CAMK1D: variants seen among roughly 807,000 people sequenced by gnomAD.
CAMK1D encodes calcium/calmodulin-dependent protein kinase type 1D.
CAMK1D carries 9 observed loss-of-function variants against 47.7 expected under a neutral mutation model. That is an observed-to-expected ratio of 0.19 (90% CI 0.11 to 0.33). The LOEUF (loss-of-function observed/expected upper bound fraction) is 0.33. Among genes scored for constraint, CAMK1D ranks in the 10% least tolerant of loss-of-function variants. The pLI is 1.00. For synonymous variants in CAMK1D, 184 were observed against 184.9 expected (o/e 0.99, Z 0.04); for missense variants, 291 against 488.7 (o/e 0.60, Z 3.81).
chr10:12,588,493 T>C (rs752534888), intron 2 of CAMK1D, among the ~76,000 whole-genome samples: 3 of 152,148 alleles, frequency 2.0e-5, no homozygotes, highest in Non-Finnish European at 4.4e-5. Flanking sequence ...GGAGCAAATA[T>C]TGAGTCGGTA....
At chr10:12,705,952 C>T (rs1564507589) in intron 3 of CAMK1D, among the ~76,000 whole-genome samples, 1 of 152,144 alleles carries the variant, frequency 6.6e-6, no homozygotes. Flanking sequence ...ACTTAGCATC[C>T]CTATTTAGCA....
chr10:12,768,614 G>A (rs1836888872), intron 4 of CAMK1D, among the ~76,000 whole-genome samples: 1 of 151,936 alleles, frequency 6.6e-6, no homozygotes, highest in Admixed American at 6.6e-5. Context: ...CTGGACAACA[G>A]CAGAGATGAC....
At chr10:12,680,547 T>C (rs1840956358) in intron 3 of CAMK1D, among the ~76,000 whole-genome samples, 1 of 152,234 alleles carries the variant, frequency 6.6e-6, no homozygotes, top group South Asian at 2.1e-4. Context: ...CCTGAGATGA[T>C]ATTTCCAAAA....
intron 2 of CAMK1D, among the ~76,000 whole-genome samples, chr10:12,615,959 GGT>G (rs1838792710): frequency 1.3e-5 from 2 of 150,432 alleles, no homozygotes; most frequent in African/African-American, 2.4e-5. Context: ...TGTGCGCATA[GGT>G]GTGTATGTGT....
chr10:12,465,043 T>G (rs2768393), intron 1 of CAMK1D, among the ~76,000 whole-genome samples: 39,472 of 152,102 alleles, frequency 0.26, 5,913 homozygotes, highest in African/African-American at 0.42. Context: ...CTGATGAGAA[T>G]GGTGGGTGAG....
At chr10:12,461,090 C>T (rs1833407948) in intron 1 of CAMK1D, among the ~76,000 whole-genome samples, 1 of 152,172 alleles carries the variant, frequency 6.6e-6, no homozygotes, top group East Asian at 1.9e-4. Flanking sequence ...CTGGGGCTGG[C>T]CAGGGCAGTT....
chr10:12,513,545 G>A (rs1444039876), intron 1 of CAMK1D, among the ~76,000 whole-genome samples: 1 of 152,162 alleles, frequency 6.6e-6, no homozygotes, highest in African/African-American at 2.4e-5. Flanking sequence ...CCAGCACTTT[G>A]GAGGCCGAGG....
intron 1 of CAMK1D, among the ~76,000 whole-genome samples, chr10:12,539,058 C>T (rs147370293): frequency 0.01 from 1,598 of 152,260 alleles, 14 homozygotes; most frequent in Non-Finnish European, 0.016. Flanking sequence ...TGAGCCACCA[C>T]GCCTGGCCTC....
chr10:12,415,965 A>G (rs1261847690), intron 1 of CAMK1D: 1 of 152,084 alleles, frequency 6.6e-6, no homozygotes, highest in African/African-American at 2.4e-5. Context: ...GAGGTTGATT[A>G]TTATTCCTTT....
intron 1 of CAMK1D, among the ~76,000 whole-genome samples, chr10:12,451,765 ATGTGTT>A (rs1425467810): frequency 2.1e-5 from 3 of 143,714 alleles, no homozygotes; most frequent in African/African-American, 7.3e-5. Flanking sequence ...GAGGATGGTT[ATGTGTT>A]TGTGTGTGTG....
chr10:12,522,635 A>G (rs11257851), intron 1 of CAMK1D, among the ~76,000 whole-genome samples: 2 of 151,354 alleles, frequency 1.3e-5, no homozygotes, highest in East Asian at 1.9e-4. Flanking sequence ...ATTGCTCAAT[A>G]TTTTCCCCAC....
chr10:12,812,539 C>A (rs1832648325), intron 6 of CAMK1D, among the ~76,000 whole-genome samples: 1 of 152,258 alleles, frequency 6.6e-6, no homozygotes, highest in Non-Finnish European at 1.5e-5. Flanking sequence ...TAGCTGGAAC[C>A]CAGGAGGTAG....
chr10:12,816,242 T>C lies in CAMK1D; in HGVS notation c.755-8T>C, dbSNP rs536562469. On this transcript the variant is annotated splice_region_variant and splice_polypyrimidine_tract_variant and intron_variant, in intron 7 of 10. Coordinates refer to ENST00000619168, the MANE Select transcript of CAMK1D (RefSeq NM_153498.4). ...TGATTCCTTCCCTTGTGCCTTCTTT[T>C]TGAACAGCAAAAGACTTCATTCGGA... 1.9e-6 allele frequency: 3 copies of C among 1,613,248 alleles called. No homozygotes were observed. The highest frequency in any genetic ancestry group is 1.1e-5 in the South Asian group (1 of 90,936).
At chr10:12,607,717 C>T (rs576468541) in intron 2 of CAMK1D, among the ~76,000 whole-genome samples, 2 of 152,200 alleles carry the variant, frequency 1.3e-5, no homozygotes, top group African/African-American at 4.8e-5. Flanking sequence ...TCCCAGCACT[C>T]TGGGAGGCCG....
chr10:12,816,674 G>T (rs745571666), intron 8 of CAMK1D, among the ~76,000 whole-genome samples: 17 of 151,872 alleles, frequency 1.1e-4, no homozygotes, highest in South Asian at 4.2e-4. Flanking sequence ...TTCGAGACCA[G>T]CCTGGCTAAC....
At chr10:12,749,126 C>T (rs1264311432) in intron 3 of CAMK1D, among the ~76,000 whole-genome samples, 1 of 152,180 alleles carries the variant, frequency 6.6e-6, no homozygotes, top group African/African-American at 2.4e-5. Context: ...TGGAAGACAG[C>T]TCCTAAATTT....
chr10:12,513,972 G>A (rs943996029), intron 1 of CAMK1D, among the ~76,000 whole-genome samples: 2 of 152,128 alleles, frequency 1.3e-5, no homozygotes, highest in Non-Finnish European at 2.9e-5. Flanking sequence ...CTCTCTGTTC[G>A]CTTGACTGCA....
chr10:12,801,439 CCATCCATCCATT>C (rs1291106026), intron 6 of CAMK1D, among the ~76,000 whole-genome samples: 2 of 151,208 alleles, frequency 1.3e-5, no homozygotes, highest in Non-Finnish European at 2.9e-5. Flanking sequence ...TTCCATTCAT[CCATCCATCCATT>C]CATCTATCTA....
intron 3 of CAMK1D, among the ~76,000 whole-genome samples, chr10:12,691,384 T>A (rs1588797667): frequency 1.4e-4 from 1 of 7,168 alleles, no homozygotes; most frequent in Non-Finnish European, 2.7e-4. Flanking sequence ...TATAAATATA[T>A]ATATATATAT....
Sources: gnomAD v4.1 joint callset for allele counts (sites outside exome capture counted in the v4.1 genomes callset) on GRCh38, gnomAD v4.1.1 for gene constraint, MANE v1.5 for transcripts, NCBI Gene and HGNC (gene_info 2026-07-23, HGNC 2026-07-21) for gene names.